CHSY3: variants seen among roughly 807,000 people sequenced by gnomAD.
The protein encoded by CHSY3 is chondroitin sulfate synthase 3, also known as N-acetylgalactosaminyl-proteoglycan 3-beta-glucuronosyltransferase 3.
In CHSY3, 35 loss-of-function variants were observed where a neutral mutation model predicts 67.2. That is an observed-to-expected ratio of 0.52 (90% CI 0.40 to 0.69). CHSY3 has a LOEUF of 0.69. Among genes scored for constraint, CHSY3 ranks in the 30% least tolerant of loss-of-function variants. CHSY3 has a pLI of 0.00. For synonymous variants in CHSY3, 474 were observed against 434.7 expected, an observed-to-expected ratio of 1.09 and a Z score of -1.12; for missense variants, 1,069 against 1,138.5, an observed-to-expected ratio of 0.94 and a Z score of 0.88.
intron 2 of CHSY3, among the ~76,000 whole-genome samples, chr5:130,149,549 A>T (rs114567326): frequency 4.6e-5 from 7 of 152,318 alleles, no homozygotes; most frequent in African/African-American, 1.4e-4. Context: ...GTCCGCCCCC[A>T]TGATCCAAAC....
intron 2 of CHSY3, among the ~76,000 whole-genome samples, chr5:130,053,287 C>G (rs1765422362): frequency 1.3e-5 from 2 of 151,968 alleles, no homozygotes; most frequent in African/African-American, 4.8e-5. Context: ...ACAATGAGGG[C>G]AGAGTCAAAG....
intron 2 of CHSY3, among the ~76,000 whole-genome samples, chr5:129,968,366 A>C (rs1362567028): frequency 6.6e-6 from 1 of 151,842 alleles, no homozygotes; most frequent in African/African-American, 2.4e-5. Context: ...AATCCATCTA[A>C]TTGTTGCATT....
chr5:129,943,421 T>G (rs1438171390), intron 2 of CHSY3, among the ~76,000 whole-genome samples: 1 of 152,238 alleles, frequency 6.6e-6, no homozygotes, highest in Non-Finnish European at 1.5e-5. Context: ...AATGCTAAAA[T>G]TTTCGTCAGT....
At chr5:129,976,958 AT>A (rs1762829759) in intron 2 of CHSY3, among the ~76,000 whole-genome samples, 1 of 151,208 alleles carries the variant, frequency 6.6e-6, no homozygotes, top group Non-Finnish European at 1.5e-5. Flanking sequence ...TAAGATGTTC[AT>A]TTTTTAAGTT....
At chr5:130,068,352 C>T (rs907414224) in intron 2 of CHSY3, among the ~76,000 whole-genome samples, 2 of 152,062 alleles carry the variant, frequency 1.3e-5, no homozygotes, top group Non-Finnish European at 2.9e-5. Context: ...GAATTGATGC[C>T]TCTGACTGTA....
intron 2 of CHSY3, among the ~76,000 whole-genome samples, chr5:129,987,056 TAACTC>T (rs1243598804): frequency 6.6e-6 from 1 of 152,182 alleles, no homozygotes; most frequent in Non-Finnish European, 1.5e-5. Context: ...TTTTTTAAAT[TAACTC>T]AAAATTTTGT....
chr5:130,137,501 T>C (rs1307649716), intron 2 of CHSY3, among the ~76,000 whole-genome samples: 1 of 152,204 alleles, frequency 6.6e-6, no homozygotes, highest in East Asian at 1.9e-4. Context: ...TAAATGACAC[T>C]GGGCATAATA....
chr5:130,092,786 C>T (rs1463246625), intron 2 of CHSY3, among the ~76,000 whole-genome samples: 1 of 152,148 alleles, frequency 6.6e-6, no homozygotes, highest in Non-Finnish European at 1.5e-5. Flanking sequence ...ATCCATCTCC[C>T]TGACCAACTA....
intron 2 of CHSY3, among the ~76,000 whole-genome samples, chr5:129,969,101 C>T (rs1467211790): frequency 1.3e-5 from 2 of 151,786 alleles, no homozygotes; most frequent in African/African-American, 2.4e-5. Flanking sequence ...ATTACTGTAT[C>T]TTTCAAAAGA....
At chr5:130,139,507 G>A (rs1448586575) in intron 2 of CHSY3, among the ~76,000 whole-genome samples, 1 of 152,162 alleles carries the variant, frequency 6.6e-6, no homozygotes, top group African/African-American at 2.4e-5. Context: ...TTTGTTAGAA[G>A]ATCGAACAAA....
At chr5:130,048,063 GA>G (rs1765209300) in intron 2 of CHSY3, among the ~76,000 whole-genome samples, 3 of 147,406 alleles carry the variant, frequency 2.0e-5, no homozygotes, top group South Asian at 4.1e-4. Flanking sequence ...AAACGGGAAG[GA>G]AAAAGAGAAA....
intron 2 of CHSY3, among the ~76,000 whole-genome samples, chr5:130,014,093 C>A (rs757656895): frequency 2.6e-5 from 4 of 152,214 alleles, no homozygotes; most frequent in Admixed American, 1.3e-4. Context: ...AGAAGTTTCT[C>A]ATCTCCATCT....
chr5:129,924,975 C>T (rs1369877731), intron 2 of CHSY3, among the ~76,000 whole-genome samples: 4 of 152,112 alleles, frequency 2.6e-5, no homozygotes, highest in African/African-American at 9.7e-5. Flanking sequence ...AAAACACATA[C>T]TTTGCTGAGT....
intron 2 of CHSY3, among the ~76,000 whole-genome samples, chr5:129,911,610 A>G (rs1261964860): frequency 6.6e-6 from 1 of 152,242 alleles, no homozygotes; most frequent in Non-Finnish European, 1.5e-5. Context: ...CATATATTTC[A>G]CTTAATAATC....
At chr5:129,924,225 C>T (rs75512785) in intron 2 of CHSY3, among the ~76,000 whole-genome samples, 3,530 of 152,172 alleles carry the variant, frequency 0.023, 121 homozygotes, top group African/African-American at 0.078. Flanking sequence ...ACTAACCACT[C>T]TTTTTTATAT....
At chr5:130,020,467 T>A (rs371027431) in intron 2 of CHSY3, among the ~76,000 whole-genome samples, 75 of 58,994 alleles carry the variant, frequency 1.3e-3, no homozygotes, top group African/African-American at 4.7e-3. Flanking sequence ...ATATATTTTT[T>A]TTTTTTTTTT....
chr5:130,148,800 C>A (rs536179502), intron 2 of CHSY3, among the ~76,000 whole-genome samples: 1 of 151,884 alleles, frequency 6.6e-6, no homozygotes, highest in Non-Finnish European at 1.5e-5. Flanking sequence ...GGATATTAGA[C>A]CTTTGTCAGA....
At chr5:129,915,837 C>T (rs191622162) in intron 2 of CHSY3, among the ~76,000 whole-genome samples, 359 of 152,186 alleles carry the variant, frequency 2.4e-3, no homozygotes, top group Non-Finnish European at 4.1e-3. Flanking sequence ...TTCCTGTTTT[C>T]CTGGCATGAA....
intron 2 of CHSY3, among the ~76,000 whole-genome samples, chr5:129,995,236 G>A (rs1763500902): frequency 6.6e-6 from 1 of 151,778 alleles, no homozygotes; most frequent in African/African-American, 2.4e-5. Context: ...TATCCTTTTT[G>A]TAAAATGCCT....
Sources: allele counts gnomAD v4.1 joint callset (sites outside exome capture counted in the v4.1 genomes callset), GRCh38; gene constraint gnomAD v4.1.1; transcripts MANE v1.5; gene names NCBI Gene and HGNC (gene_info 2026-07-23, HGNC 2026-07-21).